The following RBFOX1 variants were observed in gnomAD, a reference collection of about 807,000 sequenced individuals.
RBFOX1 encodes the protein RNA binding protein fox-1 homolog 1.
Under a neutral mutation model 57.7 loss-of-function variants are expected in RBFOX1, and 8 were observed. The observed-to-expected ratio is 0.14, with a 90% CI of 0.08 to 0.25. The LOEUF is 0.25. RBFOX1 is among the 10% of genes least tolerant of loss of function. The probability of loss-of-function intolerance (pLI) is 1.00; values close to 1 mark genes in which losing one functional copy is unlikely to be tolerated. For synonymous variants in RBFOX1, 326 were observed against 222.4 expected (o/e 1.47, Z -4.15); for missense variants, 611 against 548.5 (o/e 1.11, Z -1.14).
At position 5,441,032 on chromosome 16, in the gene RBFOX1, G is replaced by A. The variant is rs140566346; in HGVS notation, c.220-26184G>A. ...GTAGCTTTTCAAGAACAAATTGATC[G>A]TGAAAATGAAGGTCTGTCTCCAGGG... On this transcript the variant is annotated intron_variant, in intron 1 of 2. Coordinates refer to the RBFOX1 transcript ENST00000585867. Among the ~76,000 whole-genome samples, 52 of 152,256 alleles carry A rather than the reference G, an allele frequency of 3.4e-4. 1 individual carries two copies. Among genetic ancestry groups the A allele is most frequent in the Middle Eastern group, 6.8e-3 (2 of 294 alleles).
chr16:6,803,211 A>C (rs1314082093), intron 3 of RBFOX1, among the ~76,000 whole-genome samples: 1 of 152,112 alleles, frequency 6.6e-6, no homozygotes, highest in Non-Finnish European at 1.5e-5. Flanking sequence ...GAAAATGTTC[A>C]CTTGACCCTC....
chr16:7,138,377 A>G (rs1019042381), intron 4 of RBFOX1, among the ~76,000 whole-genome samples: 23 of 152,172 alleles, frequency 1.5e-4, no homozygotes, highest in East Asian at 1.9e-4. Flanking sequence ...CTTTGGCACT[A>G]TGTCACATGG....
chr16:6,646,278 G>C (rs1411777962), intron 2 of RBFOX1, among the ~76,000 whole-genome samples: 1 of 152,122 alleles, frequency 6.6e-6, no homozygotes, highest in East Asian at 1.9e-4. Context: ...TTTGAGTCCA[G>C]CATTGTTCAG....
At chr16:5,548,083 C>G (rs974488159) in intron 2 of RBFOX1, among the ~76,000 whole-genome samples, 1 of 149,674 alleles carries the variant, frequency 6.7e-6, no homozygotes, top group African/African-American at 2.5e-5. Context: ...ATCCCTTGAA[C>G]CAGTGCGGTG....
At chr16:6,569,291 A>G (rs2097311233) in intron 2 of RBFOX1, among the ~76,000 whole-genome samples, 1 of 152,188 alleles carries the variant, frequency 6.6e-6, no homozygotes, top group Non-Finnish European at 1.5e-5. Flanking sequence ...TTTTTGTTGA[A>G]TGAGTTTTCA....
intron 1 of RBFOX1, among the ~76,000 whole-genome samples, chr16:5,264,936 C>A (rs1456478647): frequency 6.6e-6 from 1 of 152,022 alleles, no homozygotes; most frequent in Non-Finnish European, 1.5e-5. Flanking sequence ...TTTGAAGTTA[C>A]CAAGATTTAG....
intron 3 of RBFOX1, among the ~76,000 whole-genome samples, chr16:6,745,675 G>A (rs1403827778): frequency 6.6e-6 from 1 of 152,202 alleles, no homozygotes; most frequent in African/African-American, 2.4e-5. Flanking sequence ...TATGGAAAAT[G>A]TATAGCTAAT....
chr16:6,966,680 G>A (rs56393114), intron 3 of RBFOX1, among the ~76,000 whole-genome samples: 6,439 of 152,242 alleles, frequency 0.042, 479 homozygotes, highest in African/African-American at 0.15. Flanking sequence ...TGCAAGCTGG[G>A]CTGAAGTGAA....
chr16:7,601,733 T>G (rs969382145), intron 9 of RBFOX1, among the ~76,000 whole-genome samples: 1 of 152,188 alleles, frequency 6.6e-6, no homozygotes. Context: ...AGTGGGGAGT[T>G]GAATGCAGTA....
At chr16:6,886,584 C>G (rs1049597929) in intron 3 of RBFOX1, among the ~76,000 whole-genome samples, 3 of 151,724 alleles carry the variant, frequency 2.0e-5, no homozygotes, top group East Asian at 2.0e-4. Context: ...GAAACCATGT[C>G]TCTACTAAAA....
rs567182985 is a variant in RBFOX1, at chr16:6,820,948, G to C, written c.-16+166298G>C. On this transcript the variant is annotated intron_variant, in intron 3 of 15. Transcript: ENST00000550418. Reference sequence around the variant, plus strand: ...GCACAATGGTTGAATGATAATTAAAGCTACCAGTTATTGAATTTGTATTAT... The same window carrying C: ...GCACAATGGTTGAATGATAATTAAACCTACCAGTTATTGAATTTGTATTAT... Among the ~76,000 whole-genome samples, 4 of 152,256 alleles carry C rather than the reference G, an allele frequency of 2.6e-5. No homozygotes were observed. The East Asian group carries it at 7.7e-4, about 29-fold the overall frequency.
chr16:6,737,768 A>C (rs2070810715), intron 3 of RBFOX1, among the ~76,000 whole-genome samples: 1 of 152,222 alleles, frequency 6.6e-6, no homozygotes, highest in Non-Finnish European at 1.5e-5. Context: ...TCCATTTATT[A>C]ATAAGAGGAA....
rs1482135002 is a variant in RBFOX1, at chr16:6,664,996, G to A, written c.-16+10346G>A. 3.9e-5 allele frequency among the ~76,000 whole-genome samples: 6 copies of A among 152,210 alleles called. No individual in the cohort carries two copies. The East Asian group carries it at 5.8e-4, about 15-fold the overall frequency. Reference sequence around the variant, plus strand: ...TGTTCTTGTGTGCCGCATTAGTCAGGGCATTTTCAATTGTCATAGAAAATG... The same window carrying A: ...TGTTCTTGTGTGCCGCATTAGTCAGAGCATTTTCAATTGTCATAGAAAATG... On this transcript the variant is annotated intron_variant, in intron 3 of 15. Coordinates refer to ENST00000550418, the MANE Select transcript of RBFOX1 (RefSeq NM_018723.4).
intron 2 of RBFOX1, among the ~76,000 whole-genome samples, chr16:6,634,753 GAT>G (rs1567972966): frequency 3.0e-5 from 1 of 33,706 alleles, no homozygotes; most frequent in African/African-American, 5.7e-5. Flanking sequence ...AATATACAAA[GAT>G]ATACATATAT....
At chr16:6,490,866 A>G (rs1380764987) in intron 2 of RBFOX1, among the ~76,000 whole-genome samples, 1 of 152,222 alleles carries the variant, frequency 6.6e-6, no homozygotes, top group African/African-American at 2.4e-5. Flanking sequence ...AACTGTCAAA[A>G]GACTGATGTT....
intron 14 of RBFOX1, among the ~76,000 whole-genome samples, chr16:7,703,368 A>C (rs1304215337): frequency 6.6e-6 from 1 of 152,024 alleles, no homozygotes; most frequent in Non-Finnish European, 1.5e-5. Context: ...GCTGTTTAGG[A>C]TGTCTTTGCT....
intron 3 of RBFOX1, among the ~76,000 whole-genome samples, chr16:6,886,936 G>A (rs932530829): frequency 1.3e-5 from 2 of 151,996 alleles, no homozygotes; most frequent in Non-Finnish European, 2.9e-5. Flanking sequence ...AAGCAAAACC[G>A]TGTCTTTGTA....
At chr16:6,215,748 C>T (rs1409550098) in intron 1 of RBFOX1, among the ~76,000 whole-genome samples, 1 of 152,100 alleles carries the variant, frequency 6.6e-6, no homozygotes, top group Non-Finnish European at 1.5e-5. Context: ...GTGCACACAG[C>T]TCTTCGAAAG....
In RBFOX1 at chr16:5,788,795, T is replaced by A. The variant is rs542158803; in HGVS notation, c.319-78508T>A. On this transcript the variant is annotated intron_variant, in intron 3 of 19. Coordinates refer to the RBFOX1 transcript ENST00000641259. ...AGTGACGTTGTCAGTGACAGGCACA[T>A]GCTTTTCTACCCACCTCCCAAGTTA... Among the ~76,000 whole-genome samples, 8 of 152,204 alleles carry A rather than the reference T, an allele frequency of 5.3e-5. No individual in the cohort carries two copies. The East Asian group carries it at 1.5e-3, about 29-fold the overall frequency.
Sources: gnomAD v4.1 joint callset for allele counts (sites outside exome capture counted in the v4.1 genomes callset) on GRCh38, gnomAD v4.1.1 for gene constraint, MANE v1.5 for transcripts, NCBI Gene and HGNC (gene_info 2026-07-23, HGNC 2026-07-21) for gene names.